The following IKZF4 variants were observed in gnomAD, a reference collection of about 807,000 sequenced individuals.
IKZF4 encodes IKAROS family zinc finger 4.
Under a neutral mutation model 47.7 loss-of-function variants are expected in IKZF4, and 11 were observed. The observed-to-expected ratio is 0.23, with a 90% CI of 0.15 to 0.38. The LOEUF (loss-of-function observed/expected upper bound fraction) is 0.38. IKZF4 is among the 10% of genes least tolerant of loss of function. IKZF4 has a pLI of 1.00. For missense variants in IKZF4, 557 were observed against 784.9 expected (o/e 0.71, Z 3.47); for synonymous variants, 298 against 299.4 (o/e 1.00, Z 0.05).
intron 6 of IKZF4, 146 bp from the exon 7 acceptor site, chr12:56,033,044 A>T: frequency 1.1e-6 from 1 of 888,080 alleles, no homozygotes; most frequent in Non-Finnish European, 1.7e-6. Context: ...AGTGAGCTTT[A>T]GGTAGGGTAA....
At chr12:56,012,272 C>CTTTT (rs1227746530) in intron 2 of IKZF4, among the ~76,000 whole-genome samples, 1 of 134,890 alleles carries the variant, frequency 7.4e-6, no homozygotes, top group Non-Finnish European at 1.6e-5. Context: ...TGTTAAATGA[C>CTTTT]TTTTTTTTTT....
intron 2 of IKZF4, chr12:56,011,577 C>T (rs1036179890): frequency 2.0e-5 from 3 of 152,146 alleles, no homozygotes; most frequent in African/African-American, 7.2e-5. Context: ...CTAGGATGAC[C>T]TGGGAATTTA....
At position 56,026,870 on chromosome 12, in the gene IKZF4, G is replaced by C; in HGVS notation, c.376G>C (p.Val126Leu). ...GCGGCTCCTGGAAAAGGACGACAGC[G>C]TGATTGTGGAAGATTCATTGTCTGA... The part of the protein sequence containing the change: ...DERLLEKDDS[V>L]IVEDSLSEPL... The change falls in exon 4 of 8, where the codon GTG (valine) becomes CTG (leucine). Residue 126 changes from valine to leucine, a missense_variant. By Grantham distance (32) the Val-to-Leu change is conservative. Around this residue, in one of 6 missense-constraint regions of IKZF4, gnomAD observed 112 missense variants for 168.2 expected, o/e 0.67. Coordinates refer to ENST00000547167, the MANE Select transcript of IKZF4 (RefSeq NM_022465.4). 1 of 1,613,432 alleles carries C rather than the reference G, an allele frequency of 6.2e-7. No homozygotes were observed. The highest frequency in any genetic ancestry group is 8.5e-7 in the Non-Finnish European group (1 of 1,179,710).
At chr12:56,027,143 C>A in intron 4 of IKZF4, 102 bp downstream of exon 4, 1 of 1,186,128 alleles carries the variant, frequency 8.4e-7, no homozygotes, top group Non-Finnish European at 1.1e-6. Context: ...GGAGGTCATG[C>A]AGGGAGTGGG....
Position 56,033,287 on chromosome 12 carries a change from CA to C in IKZF4, c.966del (p.Lys322AsnfsTer11). On this transcript the variant is annotated frameshift_variant, in exon 7 of 8. Coordinates refer to ENST00000547167, the MANE Select transcript of IKZF4 (RefSeq NM_022465.4). LOFTEE classifies it high-confidence loss of function. ...TCGATCGTCTGGCCAATAGCCTCAC[CA>C]AACGCAAGCGTTCCACACCCCAGAA... ...FIDRLANSLT[K>X]RKRSTPQKFV... 6.2e-7 allele frequency: 1 copy of C among 1,614,028 alleles called. No individual in the cohort carries two copies. The highest frequency in any genetic ancestry group is 8.5e-7 in the Non-Finnish European group (1 of 1,179,886).
intron 4 of IKZF4, 52 bp from the exon 5 acceptor site, chr12:56,027,728 C>T: frequency 6.3e-7 from 1 of 1,578,688 alleles, no homozygotes; most frequent in Admixed American, 1.8e-5. Context: ...ATAGGTTCAA[C>T]CTTCAAAGTT....
At chr12:56,030,262 AAAAAC>A (rs1565828989) in intron 5 of IKZF4, among the ~76,000 whole-genome samples, 5 of 149,188 alleles carry the variant, frequency 3.4e-5, no homozygotes, top group East Asian at 3.9e-4. Flanking sequence ...CTACAAAAAC[AAAAAC>A]AAAAACAAAA....
upstream of IKZF4, chr12:56,020,982 G>A: frequency 2.9e-6 from 3 of 1,035,626 alleles, no homozygotes; most frequent in Non-Finnish European, 3.5e-6. Flanking sequence ...GCCTTCCCTA[G>A]GGCCCCCCCT....
At chr12:56,028,175 G>T (rs1894326560) in intron 5 of IKZF4, among the ~76,000 whole-genome samples, 1 of 152,032 alleles carries the variant, frequency 6.6e-6, no homozygotes, top group South Asian at 2.1e-4. Context: ...CCACCATATG[G>T]ATGTAAAATC....
chr12:56,016,522 A>T, upstream of IKZF4, among the ~76,000 whole-genome samples: 1 of 148,898 alleles, frequency 6.7e-6, no homozygotes. Flanking sequence ...CCCAGGCTCA[A>T]GCGATTCTCC....
At chr12:56,025,709 A>C (rs1893856543) in intron 3 of IKZF4, among the ~76,000 whole-genome samples, 1 of 152,054 alleles carries the variant, frequency 6.6e-6, no homozygotes. Context: ...AGAGGGATTC[A>C]ATCTAATGAG....
At chr12:56,018,399 G>A (rs1892411638), upstream of IKZF4, among the ~76,000 whole-genome samples, 1 of 152,146 alleles carries the variant, frequency 6.6e-6, no homozygotes, top group Non-Finnish European at 1.5e-5. Context: ...TAGAGGAAGG[G>A]AATAGGAGGG....
upstream of IKZF4, among the ~76,000 whole-genome samples, chr12:56,016,397 G>A (rs1228068172): frequency 6.6e-6 from 1 of 151,062 alleles, no homozygotes; most frequent in Non-Finnish European, 1.5e-5. Context: ...GATGAGTGGG[G>A]AATGCAATTT....
At chr12:56,032,290 T>C (rs1465817270) in intron 5 of IKZF4, 1 of 390,104 alleles carries the variant, frequency 2.6e-6, no homozygotes, top group East Asian at 5.8e-5. Context: ...AAGCAACAAT[T>C]TGGCCATCTT....
intron 4 of IKZF4, 38 bp from the exon 5 acceptor site, chr12:56,027,742 C>T (rs768264182): frequency 6.3e-6 from 10 of 1,599,112 alleles, no homozygotes; most frequent in Non-Finnish European, 8.5e-6. Flanking sequence ...CAAAGTTCCT[C>T]ACATGCAGTC....
At chr12:56,014,316 A>G (rs920188888) in intron 2 of IKZF4, among the ~76,000 whole-genome samples, 5 of 152,220 alleles carry the variant, frequency 3.3e-5, no homozygotes, top group African/African-American at 9.7e-5. Flanking sequence ...AAGAAAGTCC[A>G]GCTCAGAAAA....
intron 5 of IKZF4, among the ~76,000 whole-genome samples, chr12:56,031,129 G>A (rs965079281): frequency 2.6e-5 from 4 of 152,024 alleles, no homozygotes; most frequent in Admixed American, 2.0e-4. Flanking sequence ...GTGGGCGCCT[G>A]TAGTCCCAGC....
At chr12:56,015,221 C>G (rs891071457) in intron 2 of IKZF4, among the ~76,000 whole-genome samples, 1 of 151,866 alleles carries the variant, frequency 6.6e-6, no homozygotes, top group South Asian at 2.1e-4. Flanking sequence ...GGATTACGGG[C>G]GCACCCCACC....
rs988368049 is a variant in IKZF4 at position 56,032,374 on chromosome 12, A to G, written c.716-187A>G. The G allele has an allele frequency of 2.2e-5, 13 of 596,360 alleles. No homozygotes were observed. In the African/African-American group the frequency reaches 2.2e-4, roughly 10 times the overall value. The allele number at this position is 596,360 out of a possible 1,614,324, so 36.9% of individuals were successfully genotyped here. On this transcript the variant is annotated intron_variant, in intron 5 of 7. Transcript: ENST00000547167. ...CCCCCATAACTGCACATTATCCTTC[A>G]TCATCAAATATTGTTCATCTGTCCG... is the stretch of plus-strand genomic sequence containing the variant.
Sources: gnomAD v4.1 joint callset for allele counts (sites outside exome capture counted in the v4.1 genomes callset) on GRCh38, gnomAD v4.1.1 for gene constraint, gnomAD v4.1.1 regional missense constraint, MANE v1.5 for transcripts, NCBI Gene and HGNC (gene_info 2026-07-23, HGNC 2026-07-21) for gene names.